The following NR6A1 variants were observed in gnomAD, a reference collection of about 807,000 sequenced individuals.
NR6A1 encodes nuclear receptor subfamily 6 group A member 1.
A neutral mutation model predicts 59.1 loss-of-function variants in NR6A1; 7 were observed. The ratio of observed to expected loss-of-function variants is 0.12; its 90% confidence interval spans 0.07 to 0.22. The LOEUF (loss-of-function observed/expected upper bound fraction) is 0.22. Ranked by LOEUF, NR6A1 falls within the 10% of genes least tolerant of loss-of-function variation. NR6A1 has a pLI of 1.00. For synonymous variants in NR6A1, 243 were observed against 236.1 expected, an observed-to-expected ratio of 1.03 and a Z score of -0.27; for missense variants, 468 against 611.6, an observed-to-expected ratio of 0.77 and a Z score of 2.48.
intron 2 of NR6A1, among the ~76,000 whole-genome samples, chr9:124,721,395 C>T (rs1331277913): frequency 6.6e-6 from 1 of 152,192 alleles, no homozygotes; most frequent in African/African-American, 2.4e-5. Context: ...GGGAACTCCT[C>T]AGCAAAAGGC....
chr9:124,528,592 T>G (rs1402393864), intron 7 of NR6A1, among the ~76,000 whole-genome samples: 2 of 151,724 alleles, frequency 1.3e-5, no homozygotes, highest in Non-Finnish European at 2.9e-5. Context: ...ACCCAGCTAC[T>G]CGGGAGGCTG....
chr9:124,650,467 G>A (rs923835047), intron 2 of NR6A1, among the ~76,000 whole-genome samples: 8 of 152,144 alleles, frequency 5.3e-5, no homozygotes, highest in African/African-American at 1.7e-4. Context: ...ATGAAGAGAG[G>A]TTGGTTAATA....
rs759935556 is a variant in NR6A1, at chr9:124,604,074, T to C, written c.143-49504A>G. Among the ~76,000 whole-genome samples, 9 of 152,320 alleles carry C rather than the reference T, an allele frequency of 5.9e-5. 1 individual carries two copies. In the South Asian group the frequency reaches 1.4e-3, roughly 25 times the overall value. On this transcript the variant is annotated intron_variant, in intron 2 of 9. Transcript: ENST00000487099. ...ACGCAGTCTTTCTTTAGGGTAGAACTTGGCTCCTGATGGCAAAGGAATCCA... is the reference window on the plus strand; with the variant it reads ...ACGCAGTCTTTCTTTAGGGTAGAACCTGGCTCCTGATGGCAAAGGAATCCA...
intron 4 of NR6A1, among the ~76,000 whole-genome samples, chr9:124,540,962 C>T (rs769546895): frequency 1.3e-5 from 2 of 152,078 alleles, no homozygotes; most frequent in African/African-American, 2.4e-5. Context: ...CCCCTTATAC[C>T]GTTCACAGAA....
At chr9:124,632,454 C>T (rs1341659654) in intron 2 of NR6A1, among the ~76,000 whole-genome samples, 1 of 152,196 alleles carries the variant, frequency 6.6e-6, no homozygotes, top group East Asian at 1.9e-4. Context: ...TTCTTGGCCA[C>T]ATGTATGTCT....
At chr9:124,628,057 C>A (rs1783446742) in intron 2 of NR6A1, among the ~76,000 whole-genome samples, 2 of 152,058 alleles carry the variant, frequency 1.3e-5, no homozygotes, top group African/African-American at 4.8e-5. Context: ...GAGACGGAGT[C>A]TCGCTCTGCC....
intron 3 of NR6A1, among the ~76,000 whole-genome samples, chr9:124,547,008 A>G (rs1012866541): frequency 4.6e-5 from 7 of 152,262 alleles, no homozygotes; most frequent in African/African-American, 1.4e-4. Flanking sequence ...CCTTGATGCC[A>G]TACTGAACTA....
rs116881006 is a variant in NR6A1, at chr9:124,666,895, G to A, written c.142+66413C>T. 6.4e-4 allele frequency among the ~76,000 whole-genome samples: 98 copies of A among 152,256 alleles called. 1 individual carries two copies. The East Asian group carries it at 0.018, about 28-fold the overall frequency. On this transcript the variant is annotated intron_variant, in intron 2 of 9. Coordinates refer to ENST00000487099, the MANE Select transcript of NR6A1 (RefSeq NM_033334.4). Reference sequence around the variant, plus strand: ...ATCTCAGGTTCCTTCCCTGGCGGGGGCGGGGGAAATAATACCACTTTATAG... The same window carrying A: ...ATCTCAGGTTCCTTCCCTGGCGGGGACGGGGGAAATAATACCACTTTATAG...
chr9:124,703,721 T>C (rs531064665), intron 2 of NR6A1, among the ~76,000 whole-genome samples: 32 of 152,372 alleles, frequency 2.1e-4, no homozygotes, highest in African/African-American at 6.7e-4. Flanking sequence ...TGTGGTATCC[T>C]TGTTGGGTTA....
chr9:124,685,514 G>C (rs1175985385), intron 2 of NR6A1, among the ~76,000 whole-genome samples: 1 of 152,150 alleles, frequency 6.6e-6, no homozygotes, highest in Non-Finnish European at 1.5e-5. Flanking sequence ...ATTTTTAGTA[G>C]AGATGGGGTC....
intron 2 of NR6A1, among the ~76,000 whole-genome samples, chr9:124,578,407 G>A (rs1834669354): frequency 6.6e-6 from 1 of 152,110 alleles, no homozygotes. Flanking sequence ...CATGTTTCTT[G>A]GGAAAAGTTG....
intron 2 of NR6A1, among the ~76,000 whole-genome samples, chr9:124,611,910 GC>G (rs1835762803): frequency 6.6e-6 from 1 of 152,144 alleles, no homozygotes; most frequent in Non-Finnish European, 1.5e-5. Flanking sequence ...AAGAGCTCAA[GC>G]CAGCAAGCCA....
Position 124,518,190 on chromosome 9 carries a change from G to A in NR6A1, c.*4515C>T, listed in dbSNP as rs547315269. On this transcript the variant is annotated 3_prime_UTR_variant, in exon 10 of 10. Transcript: ENST00000487099. ...TCCTGTGCAGGCTGTGGTCCATTTA[G>A]GGCTTCAGGCCCAGAAGACGGATGC... 6.8e-6 allele frequency: 1 copy of A among 147,434 alleles called. No individual in the cohort carries two copies. Among genetic ancestry groups the A allele is most frequent in the Non-Finnish European group, 1.5e-5 (1 of 67,178 alleles). The allele number at this position is 147,434 out of a possible 1,614,324, so 9.1% of individuals were successfully genotyped here.
chr9:124,557,867 T>G (rs910760227), intron 2 of NR6A1, among the ~76,000 whole-genome samples: 37 of 152,180 alleles, frequency 2.4e-4, no homozygotes, highest in African/African-American at 8.9e-4. Context: ...TAGAATAGAC[T>G]TAAAAACAGT....
chr9:124,612,205 G>C (rs562123740), intron 2 of NR6A1, among the ~76,000 whole-genome samples: 1 of 152,254 alleles, frequency 6.6e-6, no homozygotes, highest in Admixed American at 6.5e-5. Flanking sequence ...ACAAAGGATA[G>C]GTTTCCACTG....
Position 124,770,901 on chromosome 9 carries a change from G to A in NR6A1, c.100+119C>T, listed in dbSNP as rs1193193458. On this transcript the variant is annotated intron_variant, in intron 1 of 9. Coordinates refer to ENST00000487099, the MANE Select transcript of NR6A1 (RefSeq NM_033334.4). ...GAACGGGGTGAAGGGCCACCCTAAG[G>A]GGCCGCGGGGCCGCTGCGGCTTCCC... The A allele has an allele frequency of 5.8e-6, 3 of 519,026 alleles. No homozygotes were observed. The Admixed American group carries it at 1.3e-4, about 23-fold the overall frequency. The allele number at this position is 519,026 out of a possible 1,614,324, so 32.2% of individuals were successfully genotyped here.
chr9:124,715,216 A>G (rs1356944708), intron 2 of NR6A1, among the ~76,000 whole-genome samples: 1 of 151,602 alleles, frequency 6.6e-6, no homozygotes, highest in Non-Finnish European at 1.5e-5. Context: ...AAAAAAAAAA[A>G]GAAGACTCAA....
intron 1 of NR6A1, among the ~76,000 whole-genome samples, chr9:124,752,584 A>G (rs1367406528): frequency 6.6e-6 from 1 of 152,154 alleles, no homozygotes; most frequent in Non-Finnish European, 1.5e-5. Flanking sequence ...ACTGCTGGCA[A>G]TATCTTTTCT....
At chr9:124,642,398 G>T (rs1363576834) in intron 2 of NR6A1, among the ~76,000 whole-genome samples, 1 of 152,204 alleles carries the variant, frequency 6.6e-6, no homozygotes, top group African/African-American at 2.4e-5. Context: ...TAAGACCCAT[G>T]TAAATGGTTG....
Sources: allele counts gnomAD v4.1 joint callset (sites outside exome capture counted in the v4.1 genomes callset), GRCh38; gene constraint gnomAD v4.1.1; transcripts MANE v1.5; gene names NCBI Gene and HGNC (gene_info 2026-07-23, HGNC 2026-07-21).